The following B4GALT6 variants were observed in gnomAD, a reference collection of about 807,000 sequenced individuals.
B4GALT6 encodes the protein beta-1,4-galactosyltransferase 6.
Under a neutral mutation model 46.3 loss-of-function variants are expected in B4GALT6, and 14 were observed. The observed-to-expected ratio is 0.30, with a 90% CI of 0.20 to 0.47. The LOEUF is 0.47. Ranked by LOEUF, B4GALT6 falls within the 20% of genes least tolerant of loss-of-function variation. The pLI is 0.99. For missense variants in B4GALT6, 386 were observed against 480.1 expected (o/e 0.80, Z 1.83); for synonymous variants, 168 against 162.0 (o/e 1.04, Z -0.28).
Position 31,666,353 on chromosome 18 carries a change from C to T in B4GALT6, c.135G>A (p.Met45Ile). The T allele has an allele frequency of 1.9e-6, 3 of 1,597,802 alleles. No homozygotes were observed. The highest frequency in any genetic ancestry group is 2.6e-6 in the Non-Finnish European group (3 of 1,169,240). Reference protein sequence around the residue: ...APGIANTYLFMVQARGIMLRE... With the variant: ...APGIANTYLFIVQARGIMLRE... ...TCAACATTATACCTCGAGCTTGTACCATAAAGAGATATGTGTTGGCTATAA... is the reference window on the plus strand; with the variant it reads ...TCAACATTATACCTCGAGCTTGTACTATAAAGAGATATGTGTTGGCTATAA... The change falls in exon 2 of 9, where the codon ATG (methionine) becomes ATA (isoleucine). Residue 45 changes from methionine (M) to isoleucine (I), a missense_variant. By Grantham distance (10) the Met-to-Ile change is conservative (BLOSUM62 1). This residue lies in a region of B4GALT6 where 323 missense variants were observed against 438.9 expected (regional missense o/e 0.74). Transcript: ENST00000306851.
chr18:31,656,064 C>G (rs1173530107), intron 3 of B4GALT6, among the ~76,000 whole-genome samples: 3 of 152,136 alleles, frequency 2.0e-5, no homozygotes, highest in Non-Finnish European at 2.9e-5. Flanking sequence ...CTCTTGAGAG[C>G]TGGACCAGCA....
intron 5 of B4GALT6, among the ~76,000 whole-genome samples, chr18:31,635,246 C>CAAAA (rs530578338): frequency 2.1e-5 from 3 of 146,216 alleles, no homozygotes; most frequent in East Asian, 2.0e-4. Flanking sequence ...AACAAACAAA[C>CAAAA]AAAAAAAAAA....
At chr18:31,651,522 C>T (rs571883795) in intron 3 of B4GALT6, among the ~76,000 whole-genome samples, 1 of 152,262 alleles carries the variant, frequency 6.6e-6, no homozygotes, top group African/African-American at 2.4e-5. Context: ...GCTGCTCAAT[C>T]CTTCCTGGCC....
the B4GALT6 span, among the ~76,000 whole-genome samples, chr18:31,700,300 G>T: frequency 6.6e-6 from 1 of 152,028 alleles, no homozygotes; most frequent in South Asian, 2.1e-4. Flanking sequence ...ACATAGACAA[G>T]AATAAGATAT....
intron 3 of B4GALT6, among the ~76,000 whole-genome samples, chr18:31,650,758 T>G (rs1405116072): frequency 6.6e-6 from 1 of 152,228 alleles, no homozygotes; most frequent in Non-Finnish European, 1.5e-5. Flanking sequence ...GGCTTCATTT[T>G]TAACAGGTAT....
chr18:31,685,484 G>T (rs1211215930), upstream of B4GALT6, among the ~76,000 whole-genome samples: 1 of 151,398 alleles, frequency 6.6e-6, no homozygotes, highest in Non-Finnish European at 1.5e-5. Context: ...GCGGCGCTGC[G>T]CCGGGCCCCG....
the B4GALT6 span, chr18:31,724,557 CAG>C: frequency 9.7e-7 from 1 of 1,034,512 alleles, no homozygotes; most frequent in Admixed American, 5.3e-5. Flanking sequence ...GACTTTGGCT[CAG>C]AGTTTGGTTC....
chr18:31,679,083 T>C (rs914271039), intron 1 of B4GALT6, among the ~76,000 whole-genome samples: 2 of 152,210 alleles, frequency 1.3e-5, no homozygotes, highest in African/African-American at 4.8e-5. Flanking sequence ...AGGTGAGAAG[T>C]TTCTCTTCTG....
At chr18:31,684,072 T>C (rs901740032) in intron 1 of B4GALT6, among the ~76,000 whole-genome samples, 2 of 152,230 alleles carry the variant, frequency 1.3e-5, no homozygotes, top group Non-Finnish European at 2.9e-5. Context: ...CTACGTCTAT[T>C]TAATGCAATC....
At chr18:31,703,671 A>T in the B4GALT6 span, among the ~76,000 whole-genome samples, 2 of 152,386 alleles carry the variant, frequency 1.3e-5, no homozygotes, top group Non-Finnish European at 2.9e-5. Flanking sequence ...AGGTTAAGCC[A>T]GTATTAGGAA....
rs894973475 is a variant in B4GALT6 at position 31,629,782 on chromosome 18, A to G, written c.776+1177T>C. On this transcript the variant is annotated intron_variant, in intron 6 of 8. Transcript: ENST00000306851. ...GGAGAATGGCGTGAACCCGGGAGGC[A>G]GAGCTTGCAGTGAGCCGAGATCGCA... Among the ~76,000 whole-genome samples the G allele has an allele frequency of 6.0e-5, 9 of 149,280 alleles. 1 individual carries two copies. The highest frequency in any genetic ancestry group is 2.1e-4 in the South Asian group (1 of 4,690).
rs1239558538 is a variant in B4GALT6 at position 31,658,191 on chromosome 18, A to C, written c.233-102T>G. On this transcript the variant is annotated intron_variant, in intron 2 of 8. Coordinates refer to ENST00000306851, the MANE Select transcript of B4GALT6 (RefSeq NM_004775.5). ...TCACTGGGAGAAAACTACAATATAC[A>C]ATCTACAGAAGTACTTAAAATCAAT... 6.3e-6 allele frequency: 5 copies of C among 788,520 alleles called. No homozygotes were observed. The Admixed American group carries it at 7.7e-5, about 12-fold the overall frequency. 48.8% of individuals were successfully genotyped at this position (788,520 alleles called of 1,614,324 possible).
At chr18:31,720,612 C>T in the B4GALT6 span, among the ~76,000 whole-genome samples, 23 of 152,236 alleles carry the variant, frequency 1.5e-4, no homozygotes, top group Admixed American at 4.6e-4. Context: ...GCCCCTTGAA[C>T]GGGGGAAAGA....
the B4GALT6 span, among the ~76,000 whole-genome samples, chr18:31,710,780 CA>C: frequency 6.8e-6 from 1 of 146,506 alleles, no homozygotes; most frequent in South Asian, 2.3e-4. Flanking sequence ...ATATAGTTTC[CA>C]AAAATACTAA....
At chr18:31,666,776 C>T (rs2074287937) in intron 1 of B4GALT6, among the ~76,000 whole-genome samples, 1 of 151,978 alleles carries the variant, frequency 6.6e-6, no homozygotes, top group African/African-American at 2.4e-5. Context: ...AAAAACTTCA[C>T]AAAAGCTAGG....
chr18:31,625,420 G>T lies in B4GALT6; in HGVS notation c.*194C>A. The T allele has an allele frequency of 1.9e-6, 1 of 525,938 alleles. No individual in the cohort carries two copies. Among genetic ancestry groups the T allele is most frequent in the Non-Finnish European group, 3.2e-6 (1 of 312,156 alleles). 32.6% of individuals were successfully genotyped at this position (525,938 alleles called of 1,614,324 possible). A position where few individuals can be genotyped will look rare whatever the true frequency, so the allele number is the denominator to read the frequency against. Reference sequence around the variant, plus strand: ...CGTTTCTGCGGTGCTCGCCACAGGGGTGTGTCTCAGAGCAGGGAGGACGGG... The same window carrying T: ...CGTTTCTGCGGTGCTCGCCACAGGGTTGTGTCTCAGAGCAGGGAGGACGGG... On this transcript the variant is annotated 3_prime_UTR_variant, in exon 9 of 9. Transcript: ENST00000306851.
intron 1 of B4GALT6, among the ~76,000 whole-genome samples, chr18:31,673,620 G>A (rs1333267467): frequency 6.6e-6 from 1 of 152,204 alleles, no homozygotes; most frequent in African/African-American, 2.4e-5. Context: ...TTTACTAAGT[G>A]CTGAGTTTGG....
chr18:31,696,848 G>A, the B4GALT6 span, among the ~76,000 whole-genome samples: 1 of 152,156 alleles, frequency 6.6e-6, no homozygotes, highest in Non-Finnish European at 1.5e-5. Flanking sequence ...ATTTAACGCA[G>A]AAATGTGTCT....
chr18:31,677,311 G>T (rs552925307), intron 1 of B4GALT6, among the ~76,000 whole-genome samples: 82 of 152,232 alleles, frequency 5.4e-4, no homozygotes, highest in African/African-American at 1.8e-3. Context: ...ACTGAGAAGG[G>T]GGTATTGCTG....
Sources: allele counts gnomAD v4.1 joint callset (sites outside exome capture counted in the v4.1 genomes callset), GRCh38; gene constraint gnomAD v4.1.1; regional missense constraint gnomAD v4.1.1; transcripts MANE v1.5; gene names NCBI Gene and HGNC (gene_info 2026-07-23, HGNC 2026-07-21).